RIPOR2: variants seen among roughly 807,000 people sequenced by gnomAD.
RIPOR2 encodes the protein RHO family interacting cell polarization regulator 2.
In RIPOR2, 39 loss-of-function variants were observed where a neutral mutation model predicts 114.5. The ratio of observed to expected loss-of-function variants is 0.34; its 90% CI spans 0.26 to 0.44. The LOEUF is 0.44. RIPOR2 is among the 20% of genes least tolerant of loss of function. The probability of loss-of-function intolerance (pLI) is 1.00; values close to 1 mark genes in which losing one functional copy is unlikely to be tolerated. For synonymous variants in RIPOR2, 445 were observed against 484.4 expected, an observed-to-expected ratio of 0.92 and a Z score of 1.07; for missense variants, 1,007 against 1,255.1, an observed-to-expected ratio of 0.80 and a Z score of 2.99.
At chr6:24,827,415 G>C (rs537619466) in intron 18 of RIPOR2, among the ~76,000 whole-genome samples, 12 of 152,164 alleles carry the variant, frequency 7.9e-5, no homozygotes, top group Non-Finnish European at 1.3e-4. Flanking sequence ...GCTGCTGCCT[G>C]GTGCCGTGCC....
intron 1 of RIPOR2, among the ~76,000 whole-genome samples, chr6:25,019,910 A>AT (rs1472563230): frequency 6.6e-6 from 1 of 151,684 alleles, no homozygotes; most frequent in Non-Finnish European, 1.5e-5. Context: ...TATCATGGGG[A>AT]TTTTTTATAT....
chr6:25,024,791 T>C (rs1044467874), intron 1 of RIPOR2, among the ~76,000 whole-genome samples: 6 of 152,242 alleles, frequency 3.9e-5, no homozygotes, highest in African/African-American at 1.4e-4. Flanking sequence ...CGGACTTAGC[T>C]GAAGCTGATA....
intron 1 of RIPOR2, among the ~76,000 whole-genome samples, chr6:24,932,657 A>G (rs1771495232): frequency 6.6e-6 from 1 of 152,198 alleles, no homozygotes; most frequent in African/African-American, 2.4e-5. Context: ...TATAGTGTCC[A>G]TATATCTAAA....
intron 12 of RIPOR2, among the ~76,000 whole-genome samples, chr6:24,845,994 G>A (rs1762229922): frequency 1.3e-5 from 2 of 152,268 alleles, no homozygotes; most frequent in Admixed American, 1.3e-4. Flanking sequence ...GTGGCCAGAT[G>A]GGAACAGCCG....
At chr6:25,013,228 G>A (rs903815385) in intron 1 of RIPOR2, among the ~76,000 whole-genome samples, 14 of 152,132 alleles carry the variant, frequency 9.2e-5, no homozygotes, top group African/African-American at 3.4e-4. Flanking sequence ...AAGCTCTAAC[G>A]TTTGATTGGA....
chr6:24,907,450 G>A (rs924081921), intron 1 of RIPOR2, among the ~76,000 whole-genome samples: 1 of 152,116 alleles, frequency 6.6e-6, no homozygotes, highest in South Asian at 2.1e-4. Context: ...ATAGCCTGCC[G>A]CACTCAGGAA....
intron 1 of RIPOR2, among the ~76,000 whole-genome samples, chr6:24,904,026 G>C (rs1187394469): frequency 1.3e-5 from 2 of 152,184 alleles, no homozygotes; most frequent in Non-Finnish European, 2.9e-5. Context: ...GCACTGCCCA[G>C]AATCCCCTGC....
chr6:25,038,417 A>G (rs1777341615), intron 1 of RIPOR2, among the ~76,000 whole-genome samples: 1 of 152,262 alleles, frequency 6.6e-6, no homozygotes, highest in Non-Finnish European at 1.5e-5. Flanking sequence ...AAAGTCCTTG[A>G]TCAGTCAATT....
chr6:24,847,232 C>T (rs1338086500), intron 12 of RIPOR2, among the ~76,000 whole-genome samples: 2 of 152,164 alleles, frequency 1.3e-5, no homozygotes, highest in Admixed American at 6.5e-5. Context: ...GGATTACAGG[C>T]GTGAGCCACC....
chr6:24,970,706 G>T (rs1189465623), intron 1 of RIPOR2, among the ~76,000 whole-genome samples: 1 of 152,136 alleles, frequency 6.6e-6, no homozygotes, highest in Admixed American at 6.5e-5. Context: ...TGCGGGGTGG[G>T]GAAAGGGTCA....
chr6:24,807,843 AT>A (rs1691951494), intron 21 of RIPOR2, among the ~76,000 whole-genome samples: 1 of 152,172 alleles, frequency 6.6e-6, no homozygotes, highest in Non-Finnish European at 1.5e-5. Context: ...GCCCTTTGTC[AT>A]AGGGCATTTT....
Position 24,969,942 on chromosome 6 carries a change from C to G in RIPOR2, c.76+71909G>C, listed in dbSNP as rs1033531332. Among the ~76,000 whole-genome samples the G allele has an allele frequency of 3.4e-4, 52 of 152,184 alleles. 2 individuals carry two copies. The highest frequency in any genetic ancestry group is 2.1e-4 in the South Asian group (1 of 4,832). ...CTGTTCACTGCTGTCTCCCCAGTGC[C>G]TAGAACTGTGCTGCACATGGTAGCT... On this transcript the variant is annotated intron_variant, in intron 1 of 13. Transcript: ENST00000510784.
chr6:24,866,995 T>A (rs1764674262), intron 6 of RIPOR2, among the ~76,000 whole-genome samples: 3 of 152,236 alleles, frequency 2.0e-5, no homozygotes, highest in South Asian at 4.1e-4. Context: ...TACTATAACC[T>A]GTTTGAGGAT....
At chr6:24,839,535 G>A (rs76728466) in intron 13 of RIPOR2, 1 of 1,406,832 alleles carries the variant, frequency 7.1e-7, no homozygotes, top group East Asian at 2.5e-5. Context: ...GATTGGCCAT[G>A]AGTTGATCAC....
intron 1 of RIPOR2, among the ~76,000 whole-genome samples, chr6:24,911,712 A>G (rs2114070934): frequency 6.6e-6 from 1 of 152,290 alleles, no homozygotes; most frequent in East Asian, 1.9e-4. Flanking sequence ...TTCCCAAAAA[A>G]GGGCCTTTTG....
At chr6:24,963,027 G>A (rs391652) in intron 1 of RIPOR2, among the ~76,000 whole-genome samples, 120,943 of 152,150 alleles carry the variant, frequency 0.79, 51,633 homozygotes, top group East Asian at 0.96. Flanking sequence ...AGCAGAGAAT[G>A]CATGTGTTTT....
chr6:24,819,213 C>T (rs565682894), intron 19 of RIPOR2, among the ~76,000 whole-genome samples: 3 of 152,006 alleles, frequency 2.0e-5, no homozygotes, highest in Non-Finnish European at 4.4e-5. Flanking sequence ...TTAGAAGGAA[C>T]TGAAGAGAAG....
At chr6:24,978,002 A>C (rs1279004386) in intron 1 of RIPOR2, among the ~76,000 whole-genome samples, 1 of 152,238 alleles carries the variant, frequency 6.6e-6, no homozygotes, top group Non-Finnish European at 1.5e-5. Context: ...GAAAAGCAGC[A>C]TTCAGTCTGT....
intron 1 of RIPOR2, chr6:24,877,170 G>A: frequency 1.0e-6 from 1 of 985,366 alleles, no homozygotes; most frequent in Non-Finnish European, 1.2e-6. Flanking sequence ...GTAATGGAAA[G>A]ACCAATTTCA....
Sources: gnomAD v4.1 joint callset for allele counts (sites outside exome capture counted in the v4.1 genomes callset) on GRCh38, gnomAD v4.1.1 for gene constraint, MANE v1.5 for transcripts, NCBI Gene and HGNC (gene_info 2026-07-23, HGNC 2026-07-21) for gene names.